The following SBF2 variants were observed in gnomAD, a reference collection of about 807,000 sequenced individuals.
The protein encoded by SBF2 is SET binding factor 2.
A neutral mutation model predicts 225.2 loss-of-function variants in SBF2; 112 were observed. The ratio of observed to expected loss-of-function variants is 0.50; its 90% CI spans 0.43 to 0.58. The LOEUF is 0.58. Ranked by LOEUF, SBF2 falls within the 20% of genes least tolerant of loss-of-function variation. The pLI, the probability that SBF2 is intolerant of heterozygous loss-of-function variation, is 0.00. For missense variants in SBF2, 1,996 were observed against 2,206.2 expected (o/e 0.90, Z 1.91); for synonymous variants, 763 against 773.3 (o/e 0.99, Z 0.22).
chr11:9,887,521 G>C (rs887826132), intron 17 of SBF2, among the ~76,000 whole-genome samples: 2 of 152,034 alleles, frequency 1.3e-5, no homozygotes, highest in Admixed American at 6.6e-5. Flanking sequence ...GGGAAGAGGA[G>C]GAGGAGGAAT....
intron 1 of SBF2, among the ~76,000 whole-genome samples, chr11:10,248,896 C>T (rs1006817652): frequency 2.6e-5 from 4 of 152,098 alleles, no homozygotes; most frequent in Non-Finnish European, 5.9e-5. Context: ...GAGATTGAGA[C>T]CATCCAGGCT....
At chr11:10,120,781 A>T (rs984807317) in intron 2 of SBF2, among the ~76,000 whole-genome samples, 21 of 151,972 alleles carry the variant, frequency 1.4e-4, no homozygotes, top group African/African-American at 4.6e-4. Flanking sequence ...CACCACGCCC[A>T]GCTAATTTTT....
intron 1 of SBF2, among the ~76,000 whole-genome samples, chr11:10,267,146 G>A (rs1962075981): frequency 6.6e-6 from 1 of 151,996 alleles, no homozygotes; most frequent in Admixed American, 6.6e-5. Flanking sequence ...AAGGGAAGGG[G>A]GCTATCTCTT....
chr11:9,837,865 G>C (rs990120226), intron 26 of SBF2, among the ~76,000 whole-genome samples: 2 of 151,996 alleles, frequency 1.3e-5, no homozygotes, highest in African/African-American at 4.8e-5. Flanking sequence ...AGCCTCCCAA[G>C]TAGCTGGGAC....
intron 13 of SBF2, among the ~76,000 whole-genome samples, chr11:9,972,027 A>G (rs1160542249): frequency 1.3e-5 from 2 of 152,162 alleles, no homozygotes; most frequent in Non-Finnish European, 2.9e-5. Flanking sequence ...AGACAATTCA[A>G]TGAGAGGTAG....
intron 1 of SBF2, among the ~76,000 whole-genome samples, chr11:10,247,525 A>G (rs931365923): frequency 2.5e-5 from 3 of 118,598 alleles, no homozygotes; most frequent in African/African-American, 8.8e-5. Flanking sequence ...TACTAAAAAT[A>G]CAAAAAAAAA....
At chr11:10,109,801 T>A (rs1382057568) in intron 2 of SBF2, among the ~76,000 whole-genome samples, 1 of 152,212 alleles carries the variant, frequency 6.6e-6, no homozygotes, top group Admixed American at 6.5e-5. Flanking sequence ...TAAAACAATA[T>A]TTGAGAATGG....
chr11:9,857,547 A>C (rs1484329968), intron 18 of SBF2, among the ~76,000 whole-genome samples: 1 of 152,202 alleles, frequency 6.6e-6, no homozygotes, highest in African/African-American at 2.4e-5. Context: ...CATACCATGT[A>C]CTCTTCAATG....
rs367700409 is a variant in SBF2, at chr11:10,001,043, C to T, written c.753-21G>A. ...GATAACTGGAAATAATAAAAATATG[C>T]GTCAAATATATTTTTCTTTAACATA... is the stretch of plus-strand genomic sequence containing the variant. On this transcript the variant is annotated intron_variant, in intron 7 of 39. Coordinates refer to ENST00000256190, the MANE Select transcript of SBF2 (RefSeq NM_030962.4). 6.6e-4 allele frequency: 815 copies of T among 1,227,394 alleles called. 10 individuals carry two copies. The South Asian group carries it at 9.2e-3, about 14-fold the overall frequency. The allele number at this position is 1,227,394 out of a possible 1,614,324, so 76.0% of individuals were successfully genotyped here.
chr11:9,923,731 G>A (rs1590466409), intron 16 of SBF2, among the ~76,000 whole-genome samples: 1 of 152,076 alleles, frequency 6.6e-6, no homozygotes, highest in Admixed American at 6.6e-5. Context: ...CCCCTTATTG[G>A]CAAAGTATCT....
At chr11:10,240,180 T>C (rs1565391046) in intron 1 of SBF2, among the ~76,000 whole-genome samples, 2 of 150,836 alleles carry the variant, frequency 1.3e-5, no homozygotes, top group Non-Finnish European at 2.9e-5. Flanking sequence ...GATGAAACCC[T>C]AGATGAACAT....
intron 1 of SBF2, among the ~76,000 whole-genome samples, chr11:10,252,947 C>G (rs1302668445): frequency 6.6e-5 from 10 of 152,006 alleles, no homozygotes; most frequent in Admixed American, 5.2e-4. Context: ...TCTTCTTCCA[C>G]CACGTGGCTG....
At chr11:10,238,536 A>T (rs1392889871) in intron 1 of SBF2, among the ~76,000 whole-genome samples, 3 of 151,444 alleles carry the variant, frequency 2.0e-5, no homozygotes, top group East Asian at 1.9e-4. Context: ...CCACAAGAAG[A>T]TTAACATTTT....
At chr11:9,790,895 T>C (rs1285271310) in intron 33 of SBF2, 1 of 448,158 alleles carries the variant, frequency 2.2e-6, no homozygotes, top group Non-Finnish European at 4.0e-6. Flanking sequence ...GGAGGAAACA[T>C]CTGATAAAGT....
chr11:10,243,985 C>T (rs887833717), intron 1 of SBF2, among the ~76,000 whole-genome samples: 1 of 152,120 alleles, frequency 6.6e-6, no homozygotes, highest in African/African-American at 2.4e-5. Context: ...GACAAAGACA[C>T]AAGAAAACTA....
chr11:9,959,012 G>C, intron 16 of SBF2: 1 of 1,088,304 alleles, frequency 9.2e-7, no homozygotes, highest in Non-Finnish European at 1.4e-6. Flanking sequence ...ATGTATTTCA[G>C]ACCATTCTCC....
At position 9,853,433 on chromosome 11, in the gene SBF2, A is replaced by G. The variant is rs1380468589; in HGVS notation, c.2536+107T>C. 8 of 972,462 alleles carry G rather than the reference A, an allele frequency of 8.2e-6. No homozygotes were observed. In the East Asian group the frequency reaches 1.9e-4, roughly 24 times the overall value. The allele number at this position is 972,462 out of a possible 1,614,324, so 60.2% of individuals were successfully genotyped here. ...ATTTTAAAAACTAATCAGAAAATAA[A>G]TAAATAGCATGGCTGAACTATAATG... On this transcript the variant is annotated intron_variant, in intron 20 of 39. Coordinates refer to ENST00000256190, the MANE Select transcript of SBF2 (RefSeq NM_030962.4).
At chr11:10,114,345 T>A (rs745402319) in intron 2 of SBF2, among the ~76,000 whole-genome samples, 2 of 152,234 alleles carry the variant, frequency 1.3e-5, no homozygotes, top group Admixed American at 6.5e-5. Flanking sequence ...GGAAAATATA[T>A]GCTTTATCTT....
At chr11:10,258,973 A>G (rs1399860692) in intron 1 of SBF2, among the ~76,000 whole-genome samples, 1 of 152,206 alleles carries the variant, frequency 6.6e-6, no homozygotes, top group Non-Finnish European at 1.5e-5. Context: ...GAAGGCATAG[A>G]GAAAAGTAAG....
Sources: allele counts gnomAD v4.1 joint callset (sites outside exome capture counted in the v4.1 genomes callset), GRCh38; gene constraint gnomAD v4.1.1; transcripts MANE v1.5; gene names NCBI Gene and HGNC (gene_info 2026-07-23, HGNC 2026-07-21).